Variants in CTNND2 observed in about 807,000 individuals in gnomAD.
The protein encoded by CTNND2 is catenin delta 2.
In CTNND2, 22 loss-of-function variants were observed where a neutral mutation model predicts 144.4. The observed-to-expected ratio is 0.15, with a 90% CI of 0.11 to 0.22. The LOEUF (loss-of-function observed/expected upper bound fraction) is 0.22, where lower values mean the gene tolerates loss of function less well. Among genes scored for constraint, CTNND2 ranks in the 10% least tolerant of loss-of-function variants. The pLI, the probability that CTNND2 is intolerant of heterozygous loss-of-function variation, is 1.00. For synonymous variants in CTNND2, 751 were observed against 695.6 expected (o/e 1.08, Z -1.25); for missense variants, 1,353 against 1,618.8 (o/e 0.84, Z 2.82).
intron 2 of CTNND2, among the ~76,000 whole-genome samples, chr5:11,647,339 G>C (rs941445164): frequency 6.6e-6 from 1 of 152,050 alleles, no homozygotes; most frequent in Non-Finnish European, 1.5e-5. Context: ...GCTGCAAAAA[G>C]AGCACAACTG....
At chr5:11,245,366 A>G (rs896351759) in intron 9 of CTNND2, among the ~76,000 whole-genome samples, 15 of 152,198 alleles carry the variant, frequency 9.9e-5, no homozygotes, top group African/African-American at 3.6e-4. Context: ...GTGATTCAGT[A>G]TCCTGAGATG....
intron 2 of CTNND2, among the ~76,000 whole-genome samples, chr5:11,656,929 G>A (rs1036987005): frequency 3.3e-5 from 5 of 152,100 alleles, no homozygotes; most frequent in Non-Finnish European, 7.4e-5. Context: ...TTGGCCCTCT[G>A]CGTATCATTC....
At chr5:11,208,098 T>C (rs1738238078) in intron 10 of CTNND2, among the ~76,000 whole-genome samples, 1 of 152,184 alleles carries the variant, frequency 6.6e-6, no homozygotes, top group Admixed American at 6.5e-5. Flanking sequence ...CAGAAAATTA[T>C]TCCATTCAGA....
At chr5:11,318,256 C>A (rs1419198960) in intron 9 of CTNND2, among the ~76,000 whole-genome samples, 1 of 152,220 alleles carries the variant, frequency 6.6e-6, no homozygotes, top group Non-Finnish European at 1.5e-5. Context: ...CTGCTATCAT[C>A]CCTTCTTCCT....
intron 9 of CTNND2, among the ~76,000 whole-genome samples, chr5:11,268,240 T>C (rs926421632): frequency 6.6e-6 from 1 of 152,184 alleles, no homozygotes; most frequent in African/African-American, 2.4e-5. Flanking sequence ...TGAGTTTAAA[T>C]AGTAATTTCA....
chr5:11,528,692 G>C (rs2150051429), intron 3 of CTNND2, among the ~76,000 whole-genome samples: 1 of 152,300 alleles, frequency 6.6e-6, no homozygotes, highest in Admixed American at 6.5e-5. Context: ...ATATGGCCTT[G>C]GGGAGTTGGC....
At chr5:11,147,553 C>T (rs755815144) in intron 12 of CTNND2, among the ~76,000 whole-genome samples, 11 of 151,900 alleles carry the variant, frequency 7.2e-5, no homozygotes, top group Non-Finnish European at 1.6e-4. Context: ...GGGCTGATAC[C>T]AGTTCTGAGA....
At chr5:11,166,252 T>C (rs1297410605) in intron 11 of CTNND2, among the ~76,000 whole-genome samples, 3 of 147,856 alleles carry the variant, frequency 2.0e-5, no homozygotes, top group African/African-American at 7.5e-5. Flanking sequence ...AAAAGTTCTT[T>C]TTTTTTTTTT....
rs140909181 is a variant in CTNND2 at position 10,996,064 on chromosome 5, C to T, written c.3085-3387G>A. The stretch of plus-strand genomic sequence containing the variant: ...GAGCTGACTGGCCAGGGCAAGTGGC[C>T]GGGGTGCCGGACAGGGCTGGAGGCT... On this transcript the variant is annotated intron_variant, in intron 18 of 21. Transcript: ENST00000304623. 3.2e-3 allele frequency among the ~76,000 whole-genome samples: 488 copies of T among 151,972 alleles called. 4 individuals carry two copies. The highest frequency in any genetic ancestry group is 0.011 in the African/African-American group (460 of 41,444).
At chr5:11,550,136 G>T (rs1775633162) in intron 3 of CTNND2, among the ~76,000 whole-genome samples, 1 of 152,146 alleles carries the variant, frequency 6.6e-6, no homozygotes, top group South Asian at 2.1e-4. Context: ...GCTTATAACA[G>T]ATTTCTGAGG....
At chr5:11,520,735 C>T (rs990506768) in intron 3 of CTNND2, among the ~76,000 whole-genome samples, 2 of 152,222 alleles carry the variant, frequency 1.3e-5, no homozygotes, top group Non-Finnish European at 2.9e-5. Flanking sequence ...CCTGTCATGC[C>T]TCCTGCTTTC....
At chr5:11,214,514 G>A (rs1029104768) in intron 10 of CTNND2, among the ~76,000 whole-genome samples, 2 of 152,176 alleles carry the variant, frequency 1.3e-5, no homozygotes, top group African/African-American at 2.4e-5. Context: ...AGGGCCTTTA[G>A]GGGAGGGTTT....
intron 9 of CTNND2, among the ~76,000 whole-genome samples, chr5:11,245,858 G>A (rs192372908): frequency 6.6e-6 from 1 of 152,280 alleles, no homozygotes; most frequent in African/African-American, 2.4e-5. Context: ...ATTCCAATTT[G>A]GAGAGTCTTC....
intron 7 of CTNND2, among the ~76,000 whole-genome samples, chr5:11,365,768 T>C (rs1478748891): frequency 1.3e-5 from 2 of 152,190 alleles, no homozygotes; most frequent in East Asian, 1.9e-4. Flanking sequence ...AAAGAGGACG[T>C]TGATTGAGAG....
At chr5:11,576,454 G>A (rs1264590807) in intron 2 of CTNND2, among the ~76,000 whole-genome samples, 1 of 150,554 alleles carries the variant, frequency 6.6e-6, no homozygotes, top group African/African-American at 2.4e-5. Flanking sequence ...TTACAGTACA[G>A]TTATATTAGA....
chr5:11,131,146 C>T (rs1755554103), intron 12 of CTNND2, among the ~76,000 whole-genome samples: 1 of 152,164 alleles, frequency 6.6e-6, no homozygotes, highest in Non-Finnish European at 1.5e-5. Context: ...ATTATTTCTG[C>T]TCAACCAGGT....
rs556953062 is a variant in CTNND2 at position 11,469,971 on chromosome 5, G to A, written c.288-57902C>T. 1.6e-4 allele frequency among the ~76,000 whole-genome samples: 24 copies of A among 152,186 alleles called. 1 individual carries two copies. In the South Asian group the frequency reaches 4.8e-3, roughly 30 times the overall value. ...TGGTCTGAGTCTTCACAGGGCTACC[G>A]GAGTGCATATCCTATGACTCAATAC... On this transcript the variant is annotated intron_variant, in intron 3 of 21. Transcript: ENST00000304623.
chr5:11,849,375 C>T (rs1794907898), intron 1 of CTNND2, among the ~76,000 whole-genome samples: 3 of 152,198 alleles, frequency 2.0e-5, no homozygotes, highest in South Asian at 4.1e-4. Context: ...ACAGCCATAT[C>T]AGACAGAAAG....
At chr5:11,534,909 G>T (rs773005846) in intron 3 of CTNND2, among the ~76,000 whole-genome samples, 40 of 152,044 alleles carry the variant, frequency 2.6e-4, no homozygotes, top group Non-Finnish European at 1.0e-4. Flanking sequence ...AGATTTCTTG[G>T]CCGGGAGCTG....
Sources: gnomAD v4.1 joint callset for allele counts (sites outside exome capture counted in the v4.1 genomes callset) on GRCh38, gnomAD v4.1.1 for gene constraint, MANE v1.5 for transcripts, NCBI Gene and HGNC (gene_info 2026-07-23, HGNC 2026-07-21) for gene names.